The following CEACAM5 variants were observed in gnomAD, a reference collection of about 807,000 sequenced individuals.
CEACAM5 encodes the protein cell adhesion molecule CEACAM5.
Under a neutral mutation model 63.0 loss-of-function variants are expected in CEACAM5, and 52 were observed. That is an observed-to-expected ratio of 0.83 (90% CI 0.66 to 1.04). The LOEUF is 1.04. CEACAM5 is among the 50% of genes least tolerant of loss of function. The pLI is 0.00. For missense variants in CEACAM5, 790 were observed against 864.8 expected (o/e 0.91, Z 1.08); for synonymous variants, 357 against 351.3 (o/e 1.02, Z -0.18).
chr19:41,715,695 G>T lies in CEACAM5; in HGVS notation c.749G>T (p.Arg250Ile). ...PTISPLNTSY[R>I]SGENLNLSCH... is the part of the protein sequence containing the mutation. ...ATTTCCCCTCTAAACACATCTTACA[G>T]ATCAGGGGAAAATCTGAACCTCTCC... is the stretch of plus-strand genomic sequence containing the variant. Residue 250 changes from arginine (R) to isoleucine (I), a missense_variant, in exon 4 of 10, where the codon AGA becomes ATA. Transcript: ENST00000221992. 2 of 1,614,124 alleles carry T rather than the reference G, an allele frequency of 1.2e-6. No individual in the cohort carries two copies. Among genetic ancestry groups the T allele is most frequent in the Non-Finnish European group, 1.7e-6 (2 of 1,180,022 alleles).
chr19:41,724,075 T>C (rs1347900761), intron 8 of CEACAM5, among the ~76,000 whole-genome samples: 1 of 152,234 alleles, frequency 6.6e-6, no homozygotes, highest in Non-Finnish European at 1.5e-5. Flanking sequence ...TTTTTCCCTA[T>C]GTTTTCTTCT....
chr19:41,722,169 G>A (rs1434637833), intron 8 of CEACAM5, among the ~76,000 whole-genome samples: 3 of 151,866 alleles, frequency 2.0e-5, no homozygotes, highest in Admixed American at 6.6e-5. Context: ...AGGCCAAGGC[G>A]AGTGGATCAC....
intron 8 of CEACAM5, among the ~76,000 whole-genome samples, chr19:41,725,744 TTTG>T (rs2072692262): frequency 1.3e-5 from 2 of 152,238 alleles, no homozygotes; most frequent in Non-Finnish European, 2.9e-5. Context: ...GATTGTCAAT[TTTG>T]TTGATCTTTT....
intron 8 of CEACAM5, among the ~76,000 whole-genome samples, chr19:41,723,573 T>C (rs1555816620): frequency 6.6e-6 from 1 of 152,216 alleles, no homozygotes; most frequent in Non-Finnish European, 1.5e-5. Context: ...TAATCCCTTA[T>C]CAGATATATG....
At chr19:41,711,286 CTG>C (rs1304114052) in intron 2 of CEACAM5, among the ~76,000 whole-genome samples, 2 of 152,198 alleles carry the variant, frequency 1.3e-5, no homozygotes, top group South Asian at 2.1e-4. Context: ...ACCTCAAATC[CTG>C]TGTTTCCCGA....
Position 41,720,051 on chromosome 19 carries a change from T to C in CEACAM5, c.1614T>C (p.Gly538=). 1 of 1,614,160 alleles carries C rather than the reference T, an allele frequency of 6.2e-7. No homozygotes were observed. The highest frequency in any genetic ancestry group is 8.5e-7 in the Non-Finnish European group (1 of 1,180,024). ...CAACCTACCTGTGGTGGGTAAATGG[T>C]CAGAGCCTCCCAGTCAGTCCCAGGC... is the stretch of plus-strand genomic sequence containing the variant. ...QNTTYLWWVN[G]QSLPVSPRLQ... The change falls in exon 7 of 10, where the codon GGT becomes GGC. Residue 538 remains glycine (G), a synonymous_variant. Transcript: ENST00000221992.
chr19:41,711,588 T>G (rs1555814081), intron 2 of CEACAM5, among the ~76,000 whole-genome samples: 1 of 152,066 alleles, frequency 6.6e-6, no homozygotes, highest in African/African-American at 2.4e-5. Flanking sequence ...CATGTGACTC[T>G]GGGGTTCCTT....
intron 8 of CEACAM5, among the ~76,000 whole-genome samples, chr19:41,721,535 C>T (rs2072622018): frequency 2.0e-5 from 3 of 152,246 alleles, no homozygotes; most frequent in Admixed American, 2.0e-4. Context: ...TGTGTTTTTT[C>T]ACCTACTCTG....
intron 4 of CEACAM5, 114 bp from the exon 5 acceptor site, chr19:41,717,341 C>T (rs2122799628): frequency 8.7e-7 from 1 of 1,154,112 alleles, no homozygotes. Context: ...CTGCCATGAG[C>T]TTTTAAGGAC....
At position 41,721,279 on chromosome 19, in the gene CEACAM5, T is replaced by C; in HGVS notation, c.2026+103T>C. On this transcript the variant is annotated intron_variant, in intron 8 of 9. Coordinates refer to ENST00000221992, the MANE Select transcript of CEACAM5 (RefSeq NM_004363.6). The stretch of plus-strand genomic sequence containing the variant: ...ATTTTCTTTCCCAGTCTGTGTTCCA[T>C]GGGCACAAGGAAATCCCAAATTCTA... 3.0e-6 allele frequency: 4 copies of C among 1,352,642 alleles called. No individual in the cohort carries two copies. In the South Asian group the frequency reaches 5.3e-5, roughly 18 times the overall value. 83.8% of individuals were successfully genotyped at this position (1,352,642 alleles called of 1,614,324 possible).
intron 3 of CEACAM5, 39 bp from the exon 4 acceptor site, chr19:41,715,611 C>T: frequency 6.2e-7 from 1 of 1,611,262 alleles, no homozygotes. Flanking sequence ...CCACTTCCCT[C>T]TGACAATATC....
intron 2 of CEACAM5, among the ~76,000 whole-genome samples, chr19:41,710,724 G>T (rs1365914767): frequency 6.6e-6 from 1 of 152,196 alleles, no homozygotes; most frequent in African/African-American, 2.4e-5. Context: ...GTGTCCCCAG[G>T]AAGAGGAACA....
chr19:41,713,312 G>GA (rs1192393128), intron 2 of CEACAM5, among the ~76,000 whole-genome samples: 1 of 151,836 alleles, frequency 6.6e-6, no homozygotes, highest in Non-Finnish European at 1.5e-5. Flanking sequence ...TCAAAAAAAA[G>GA]AAAAAGAAAG....
chr19:41,708,656 C>A lies in CEACAM5; in HGVS notation c.-76C>A. Reference sequence around the variant, plus strand: ...GAGGAAGGACAGCAGACCAGACAGTCACAGCAGCCTTGACAAAACGTTCCT... The same window carrying A: ...GAGGAAGGACAGCAGACCAGACAGTAACAGCAGCCTTGACAAAACGTTCCT... On this transcript the variant is annotated 5_prime_UTR_variant, in exon 1 of 10. Coordinates refer to ENST00000221992, the MANE Select transcript of CEACAM5 (RefSeq NM_004363.6). 7.5e-7 allele frequency: 1 copy of A among 1,328,878 alleles called. No individual in the cohort carries two copies. The allele number at this position is 1,328,878 out of a possible 1,614,324, so 82.3% of individuals were successfully genotyped here. A position where few individuals can be genotyped will look rare whatever the true frequency, so the allele number is the denominator to read the frequency against.
intron 8 of CEACAM5, among the ~76,000 whole-genome samples, chr19:41,721,786 TC>T (rs1354501509): frequency 6.6e-6 from 1 of 152,144 alleles, no homozygotes; most frequent in Non-Finnish European, 1.5e-5. Context: ...CAGCAGAGCC[TC>T]CCTTGGGTCA....
At chr19:41,719,695 G>T (rs555125555) in intron 6 of CEACAM5, among the ~76,000 whole-genome samples, 1 of 152,184 alleles carries the variant, frequency 6.6e-6, no homozygotes. Context: ...ACAACCCAAC[G>T]CTGCTGCCCA....
In CEACAM5 at chr19:41,715,137, C is replaced by A. The variant is rs781785530; in HGVS notation, c.591C>A (p.Asn197Lys). The change falls in exon 3 of 10, where the codon AAC (asparagine) becomes AAA (lysine). Residue 197 changes from asparagine to lysine, a missense_variant. By Grantham distance (94) the Asn-to-Lys change is moderately conservative. Coordinates refer to ENST00000221992, the MANE Select transcript of CEACAM5 (RefSeq NM_004363.6). ...CCAGGCTGCAGCTGTCCAATGGCAACAGGACCCTCACTCTATTCAATGTCA... is the reference window on the plus strand; with the variant it reads ...CCAGGCTGCAGCTGTCCAATGGCAAAAGGACCCTCACTCTATTCAATGTCA... ...VSPRLQLSNG[N>K]RTLTLFNVTR... 6.2e-7 allele frequency: 1 copy of A among 1,614,060 alleles called. No individual in the cohort carries two copies. Among genetic ancestry groups the A allele is most frequent in the East Asian group, 2.2e-5 (1 of 44,900 alleles).
At position 41,708,852 on chromosome 19, in the gene CEACAM5, A is replaced by AGGACAGGGCTGTGAGAC. The variant is rs2072386372; in HGVS notation, c.64+64_64+80dup. The AGGACAGGGCTGTGAGAC allele has an allele frequency of 9.8e-6, 8 of 814,066 alleles. No homozygotes were observed. In the South Asian group the frequency reaches 1.0e-4, roughly 11 times the overall value. The allele number at this position is 814,066 out of a possible 1,614,324, so 50.4% of individuals were successfully genotyped here. The stretch of plus-strand genomic sequence containing the variant: ...AGGAGGGAGCTGGGGTCTCCTGGGT[A>AGGACAGGGCTGTGAGAC]GGACAGGGCTGTGAGACGGACAGAG... On this transcript the variant is annotated intron_variant, in intron 1 of 9. Coordinates refer to ENST00000221992, the MANE Select transcript of CEACAM5 (RefSeq NM_004363.6).
chr19:41,717,222 T>C (rs1165573993), intron 4 of CEACAM5, among the ~76,000 whole-genome samples: 5 of 152,206 alleles, frequency 3.3e-5, no homozygotes, highest in African/African-American at 1.2e-4. Flanking sequence ...CCAATGCTAC[T>C]GCCCAATTCA....
Sources: allele counts gnomAD v4.1 joint callset (sites outside exome capture counted in the v4.1 genomes callset), GRCh38; gene constraint gnomAD v4.1.1; transcripts MANE v1.5; gene names NCBI Gene and HGNC (gene_info 2026-07-23, HGNC 2026-07-21).